Variants in LSM8 observed in about 807,000 individuals in gnomAD.
LSM8 encodes the protein LSM8 U6 small nuclear RNA associated.
In LSM8, 14 loss-of-function variants were observed where a neutral mutation model predicts 15.0. That is an observed-to-expected ratio of 0.93 (90% CI 0.62 to 1.46). The LOEUF is 1.46. Among genes scored for constraint, LSM8 ranks in the 40% most tolerant of loss-of-function variants. LSM8 has a pLI of 0.00. For synonymous variants in LSM8, 50 were observed against 42.1 expected, an observed-to-expected ratio of 1.19 and a Z score of -0.73; for missense variants, 90 against 115.4, an observed-to-expected ratio of 0.78 and a Z score of 1.01.
rs748642412 is a variant in LSM8 at position 118,188,250 on chromosome 7, C to A, written c.73-28C>A. The A allele has an allele frequency of 4.0e-5, 65 of 1,609,456 alleles. 1 individual carries two copies. The South Asian group carries it at 6.6e-4, about 16-fold the overall frequency. ...CTTTCAGGTAAACCAGAATATTTCT[C>A]TTTTTCTCCTGAATATTTTCTTTAC... On this transcript the variant is annotated intron_variant, in intron 2 of 3. Coordinates refer to ENST00000249299, the MANE Select transcript of LSM8 (RefSeq NM_016200.5).
chr7:118,184,220 C>A lies in LSM8; in HGVS notation c.-4C>A. The stretch of plus-strand genomic sequence containing the variant: ...CGTTACCCGGAACCGCCGGGCCGAA[C>A]AGCATGACGTCCGCTTTGGAGAACT... On this transcript the variant is annotated 5_prime_UTR_variant, in exon 1 of 4. Transcript: ENST00000249299. The A allele has an allele frequency of 6.5e-7, 1 of 1,542,384 alleles. No homozygotes were observed. The highest frequency in any genetic ancestry group is 8.8e-7 in the Non-Finnish European group (1 of 1,142,620).
chr7:118,188,355 G>A lies in LSM8; in HGVS notation c.150G>A (p.Gln50=). The A allele has an allele frequency of 1.2e-6, 2 of 1,613,382 alleles. No individual in the cohort carries two copies. Among genetic ancestry groups the A allele is most frequent in the Non-Finnish European group, 8.5e-7 (1 of 1,179,318 alleles). ...ATGAACGAGTATTCAGCTCTTCACAGGGGGTAGAACAAGTGGTACTAGGAT... is the reference window on the plus strand; with the variant it reads ...ATGAACGAGTATTCAGCTCTTCACAAGGGGTAGAACAAGTGGTACTAGGAT... ...ESHERVFSSS[Q]GVEQVVLGLY... is the part of the protein sequence containing the mutation. Residue 50 remains glutamine, a synonymous_variant, in exon 3 of 4, where the codon CAG becomes CAA. Coordinates refer to ENST00000249299, the MANE Select transcript of LSM8 (RefSeq NM_016200.5).
rs1021296788 is a variant in LSM8 at position 118,202,731 on chromosome 7, A to G, written c.*10729A>G. Among the ~76,000 whole-genome samples the G allele has an allele frequency of 2.4e-5, 3 of 123,564 alleles. No individual in the cohort carries two copies. The highest frequency in any genetic ancestry group is 9.5e-5 in the African/African-American group (3 of 31,644). The allele number at this position is 123,564 out of a possible 152,430, so 81.1% of individuals were successfully genotyped here. A position where few individuals can be genotyped will look rare whatever the true frequency, so the allele number is the denominator to read the frequency against. On this transcript the variant is annotated 3_prime_UTR_variant, in exon 4 of 4. Coordinates refer to ENST00000249299, the MANE Select transcript of LSM8 (RefSeq NM_016200.5). ...AAAGGGTTGCTGTTAGGAAAAAGAG[A>G]AGAATGGGGATGGGGTGAACAACCA...
In LSM8 at chr7:118,185,656, A is replaced by G; in HGVS notation, c.34A>G (p.Thr12Ala). 1 of 1,609,422 alleles carries G rather than the reference A, an allele frequency of 6.2e-7. No individual in the cohort carries two copies. Among genetic ancestry groups the G allele is most frequent in the Non-Finnish European group, 8.5e-7 (1 of 1,176,002 alleles). ...ACTTTCTTTGATTCAGTTATCAGGAACTGTTGCCGTTATTACATCAGATGG... is the reference window on the plus strand; with the variant it reads ...ACTTTCTTTGATTCAGTTATCAGGAGCTGTTGCCGTTATTACATCAGATGG... ...TSALENYINR[T>A]VAVITSDGRM... The change falls in exon 2 of 4, where the codon ACT (threonine) becomes GCT (alanine). Residue 12 changes from threonine to alanine, a missense_variant and splice_region_variant. Coordinates refer to ENST00000249299, the MANE Select transcript of LSM8 (RefSeq NM_016200.5).
rs2115929866 is a variant in LSM8, at chr7:118,194,530, C to T, written c.*2528C>T. Among the ~76,000 whole-genome samples the T allele has an allele frequency of 6.6e-6, 1 of 152,172 alleles. No homozygotes were observed. Among genetic ancestry groups the T allele is most frequent in the South Asian group, 2.1e-4 (1 of 4,816 alleles). On this transcript the variant is annotated 3_prime_UTR_variant, in exon 4 of 4. Transcript: ENST00000249299. ...AGAGAGAAAGTTTTACTAATATTTG[C>T]TTAAACATCCTGTTTAACAACTTTA... is the stretch of plus-strand genomic sequence containing the variant.
chr7:118,185,814 A>AT (rs1808879966), intron 2 of LSM8, 120 bp downstream of exon 2: 1 of 834,820 alleles, frequency 1.2e-6, no homozygotes, highest in African/African-American at 1.7e-5. Flanking sequence ...CAATTTTATT[A>AT]TAATTCAGCT....
At position 118,192,344 on chromosome 7, in the gene LSM8, G is replaced by A. The variant is rs1331016365; in HGVS notation, c.*342G>A. On this transcript the variant is annotated 3_prime_UTR_variant, in exon 4 of 4. Coordinates refer to ENST00000249299, the MANE Select transcript of LSM8 (RefSeq NM_016200.5). ...TGTGCTATATAAATCAGGCATTCAAGTAACAGTAATACAGGATATATGTGT... is the reference window on the plus strand; with the variant it reads ...TGTGCTATATAAATCAGGCATTCAAATAACAGTAATACAGGATATATGTGT... The A allele has an allele frequency of 5.7e-6, 1 of 176,980 alleles. No homozygotes were observed. Among genetic ancestry groups the A allele is most frequent in the Admixed American group, 5.8e-5 (1 of 17,276 alleles). 11.0% of individuals were successfully genotyped at this position (176,980 alleles called of 1,614,324 possible). A position where few individuals can be genotyped will look rare whatever the true frequency, so the allele number is the denominator to read the frequency against.
chr7:118,198,645 T>C lies in LSM8; in HGVS notation c.*6643T>C, dbSNP rs965007645. ...ACCCTAAGGATAGTAAGGATTTCCA[T>C]AGATGGTTAGGAAAACTTCAAATTG... is the stretch of plus-strand genomic sequence containing the variant. On this transcript the variant is annotated 3_prime_UTR_variant, in exon 4 of 4. Transcript: ENST00000249299. 9.9e-5 allele frequency among the ~76,000 whole-genome samples: 15 copies of C among 152,178 alleles called. No homozygotes were observed. Among genetic ancestry groups the C allele is most frequent in the African/African-American group, 2.7e-4 (11 of 41,466 alleles).
At chr7:118,185,596 C>T in intron 1 of LSM8, 58 bp from the exon 2 acceptor site, 2 of 1,421,202 alleles carry the variant, frequency 1.4e-6, no homozygotes, top group Non-Finnish European at 2.0e-6. Flanking sequence ...ATTCCCTTGC[C>T]AGAGTCTGTT....
rs1348581949 is a variant in LSM8 at position 118,195,020 on chromosome 7, A to G, written c.*3018A>G. 6.6e-6 allele frequency among the ~76,000 whole-genome samples: 1 copy of G among 152,166 alleles called. No homozygotes were observed. The highest frequency in any genetic ancestry group is 2.4e-5 in the African/African-American group (1 of 41,428). The stretch of plus-strand genomic sequence containing the variant: ...CTGTTATCAGAAAGTATAGTCTTAA[A>G]ATCTGCTATCAAGCATCTATCAGAA... On this transcript the variant is annotated 3_prime_UTR_variant, in exon 4 of 4. Coordinates refer to ENST00000249299, the MANE Select transcript of LSM8 (RefSeq NM_016200.5).
At chr7:118,184,630 T>G (rs1380558748) in intron 1 of LSM8, 1 of 175,260 alleles carries the variant, frequency 5.7e-6, no homozygotes, top group Non-Finnish European at 1.2e-5. Flanking sequence ...TTTGTACTTG[T>G]TTTATTCACA....
Position 118,185,571 on chromosome 7 carries a change from C to A in LSM8, c.32-83C>A. 3.2e-6 allele frequency: 4 copies of A among 1,231,082 alleles called. No individual in the cohort carries two copies. The East Asian group carries it at 7.1e-5, about 22-fold the overall frequency. The allele number at this position is 1,231,082 out of a possible 1,614,324, so 76.3% of individuals were successfully genotyped here. ...CTTATACCTAGTTGTCATATTTATT[C>A]TAAAAATTCAAATCATTCCCTTGCC... On this transcript the variant is annotated intron_variant, in intron 1 of 3. Transcript: ENST00000249299.
chr7:118,185,789 A>T, intron 2 of LSM8, 95 bp downstream of exon 2: 1 of 1,068,398 alleles, frequency 9.4e-7, no homozygotes, highest in Non-Finnish European at 1.4e-6. Flanking sequence ...TAGACAGCAC[A>T]TTACACCCGT....
Position 118,196,696 on chromosome 7 carries a change from TA to T in LSM8, c.*4696del, listed in dbSNP as rs1809082397. 7.2e-6 allele frequency among the ~76,000 whole-genome samples: 1 copy of T among 138,316 alleles called. No homozygotes were observed. 90.7% of individuals were successfully genotyped at this position (138,316 alleles called of 152,430 possible). On this transcript the variant is annotated 3_prime_UTR_variant, in exon 4 of 4. Transcript: ENST00000249299. ...AATGTTTCTTTTTTTTTAAGTCCTT[TA>T]ATTTTTATTTATTTATTTATTTATT...
In LSM8 at chr7:118,200,280, A is replaced by G. The variant is rs1360598951; in HGVS notation, c.*8278A>G. Among the ~76,000 whole-genome samples, 1 of 152,132 alleles carries G rather than the reference A, an allele frequency of 6.6e-6. No individual in the cohort carries two copies. The highest frequency in any genetic ancestry group is 2.4e-5 in the African/African-American group (1 of 41,438). On this transcript the variant is annotated 3_prime_UTR_variant, in exon 4 of 4. Transcript: ENST00000249299. ...TAGTTTCAGAGTCATGAAACAAATC[A>G]TAAGTAGCTGCTCTGGTGCTCTCTA...
At chr7:118,185,785 G>A (rs1808879392) in intron 2 of LSM8, 91 bp downstream of exon 2, 3 of 1,118,492 alleles carry the variant, frequency 2.7e-6, no homozygotes, top group Admixed American at 1.9e-5. Flanking sequence ...TGCCTAGACA[G>A]CACATTACAC....
intron 1 of LSM8, chr7:118,185,347 ACTC>A: frequency 3.9e-6 from 1 of 253,850 alleles, no homozygotes; most frequent in Non-Finnish European, 7.5e-6. Context: ...GCAACCTTGA[ACTC>A]CTGAGCCCAA....
At position 118,192,205 on chromosome 7, in the gene LSM8, CTTTTT is replaced by C; in HGVS notation, c.*207_*211del. The C allele has an allele frequency of 2.8e-6, 1 of 360,628 alleles. No individual in the cohort carries two copies. Among genetic ancestry groups the C allele is most frequent in the Non-Finnish European group, 4.9e-6 (1 of 204,348 alleles). 22.3% of individuals were successfully genotyped at this position (360,628 alleles called of 1,614,324 possible). On this transcript the variant is annotated 3_prime_UTR_variant, in exon 4 of 4. Coordinates refer to ENST00000249299, the MANE Select transcript of LSM8 (RefSeq NM_016200.5). Reference sequence around the variant, plus strand: ...AAATATAAGTTTGGTAGCTTGGTTTCTTTTTTTTATTAAATAGTGTGAAAATATAA... The same window carrying C: ...AAATATAAGTTTGGTAGCTTGGTTTCTTTATTAAATAGTGTGAAAATATAA...
intron 1 of LSM8, 147 bp downstream of exon 1, chr7:118,184,401 C>A: frequency 1.0e-6 from 1 of 982,860 alleles, no homozygotes; most frequent in Non-Finnish European, 1.4e-6. Context: ...CAGAGTTCGC[C>A]GGCGGCGCCT....
Sources: gnomAD v4.1 joint callset for allele counts (sites outside exome capture counted in the v4.1 genomes callset) on GRCh38, gnomAD v4.1.1 for gene constraint, MANE v1.5 for transcripts, NCBI Gene and HGNC (gene_info 2026-07-23, HGNC 2026-07-21) for gene names.